Variants in AFG2A observed in about 807,000 individuals in gnomAD.
AFG2A encodes ATPase family gene 2 protein homolog A.
At chr4:122,936,310 A>G in the AFG2A span, among the ~76,000 whole-genome samples, 8 of 152,370 alleles carry the variant, frequency 5.3e-5, no homozygotes, top group East Asian at 1.2e-3. Flanking sequence ...TTCTATTTCT[A>G]TCTAATCTTT....
the AFG2A span, among the ~76,000 whole-genome samples, chr4:123,107,387 G>GTAGC: frequency 6.6e-6 from 1 of 152,228 alleles, no homozygotes. Flanking sequence ...CCCAACATAG[G>GTAGC]TAGCTCCTTT....
the AFG2A span, among the ~76,000 whole-genome samples, chr4:123,259,714 G>A: frequency 6.6e-6 from 1 of 151,972 alleles, no homozygotes; most frequent in African/African-American, 2.4e-5. Flanking sequence ...AAATTATCCT[G>A]GTTACTTTTG....
chr4:123,239,021 T>C, the AFG2A span, among the ~76,000 whole-genome samples: 1 of 152,074 alleles, frequency 6.6e-6, no homozygotes, highest in South Asian at 2.1e-4. Flanking sequence ...AACCATGGTA[T>C]GAGAACTTCG....
the AFG2A span, among the ~76,000 whole-genome samples, chr4:123,118,329 A>AATTATATTATATAAT: frequency 1.6e-5 from 1 of 64,180 alleles, no homozygotes; most frequent in Non-Finnish European, 3.7e-5. Context: ...TATTATATAT[A>AATTATATTATATAAT]ATATATATAT....
At chr4:123,028,265 C>T in the AFG2A span, 1 of 1,614,042 alleles carries the variant, frequency 6.2e-7, no homozygotes, top group Non-Finnish European at 8.5e-7. Context: ...TTAAAACATC[C>T]AGAGTCTTTC....
the AFG2A span, among the ~76,000 whole-genome samples, chr4:123,310,712 T>C: frequency 6.6e-6 from 1 of 152,200 alleles, no homozygotes; most frequent in Non-Finnish European, 1.5e-5. Context: ...TCAGTGGATG[T>C]TGATTGACGA....
chr4:122,932,156 T>C, the AFG2A span, among the ~76,000 whole-genome samples: 1 of 151,702 alleles, frequency 6.6e-6, no homozygotes, highest in Non-Finnish European at 1.5e-5. Context: ...GCGCCTGTGT[T>C]CCCAGCTACT....
At chr4:123,141,278 T>C in the AFG2A span, among the ~76,000 whole-genome samples, 2 of 152,188 alleles carry the variant, frequency 1.3e-5, no homozygotes, top group African/African-American at 4.8e-5. Flanking sequence ...TTAAAAATTA[T>C]ATTACATTTC....
chr4:123,234,304 G>C, the AFG2A span, among the ~76,000 whole-genome samples: 1 of 152,014 alleles, frequency 6.6e-6, no homozygotes, highest in African/African-American at 2.4e-5. Flanking sequence ...CTACCACTCT[G>C]ACCTTTTACA....
chr4:123,228,024 G>A, the AFG2A span, among the ~76,000 whole-genome samples: 8 of 152,124 alleles, frequency 5.3e-5, no homozygotes, highest in East Asian at 1.9e-4. Context: ...TCAGAGACTA[G>A]GATTGCAACC....
the AFG2A span, among the ~76,000 whole-genome samples, chr4:123,179,173 G>A: frequency 1.3e-5 from 2 of 152,130 alleles, no homozygotes; most frequent in African/African-American, 4.8e-5. Context: ...AATTAGATGA[G>A]GACCATAGGC....
At chr4:123,074,941 A>G in the AFG2A span, among the ~76,000 whole-genome samples, 1 of 151,932 alleles carries the variant, frequency 6.6e-6, no homozygotes, top group Admixed American at 6.6e-5. Context: ...CAATTGTTCC[A>G]TCTCTTTTTT....
the AFG2A span, among the ~76,000 whole-genome samples, chr4:123,311,066 AT>A: frequency 6.6e-6 from 1 of 152,174 alleles, no homozygotes; most frequent in African/African-American, 2.4e-5. Context: ...TCATCCAACC[AT>A]TAGTGATCTG....
At chr4:123,163,122 T>C in the AFG2A span, among the ~76,000 whole-genome samples, 3 of 152,150 alleles carry the variant, frequency 2.0e-5, no homozygotes, top group Non-Finnish European at 4.4e-5. Flanking sequence ...CAAGCTGAAC[T>C]CAGATTATCT....
At chr4:122,949,490 G>C in the AFG2A span, among the ~76,000 whole-genome samples, 7 of 152,290 alleles carry the variant, frequency 4.6e-5, no homozygotes, top group South Asian at 1.2e-3. Flanking sequence ...GCGGAGGAGA[G>C]GGGGAGCTCT....
chr4:123,132,395 T>C, the AFG2A span, among the ~76,000 whole-genome samples: 2 of 152,064 alleles, frequency 1.3e-5, no homozygotes, highest in Non-Finnish European at 2.9e-5. Flanking sequence ...TCCTTCTGTG[T>C]TTGGCTTATT....
At chr4:123,152,973 A>T in the AFG2A span, among the ~76,000 whole-genome samples, 1 of 152,220 alleles carries the variant, frequency 6.6e-6, no homozygotes, top group South Asian at 2.1e-4. Context: ...AGTGTCTTGA[A>T]TGCTTATGTT....
At chr4:123,295,452 T>C in the AFG2A span, among the ~76,000 whole-genome samples, 1 of 152,236 alleles carries the variant, frequency 6.6e-6, no homozygotes, top group Non-Finnish European at 1.5e-5. Flanking sequence ...TGAAAACAGC[T>C]CAAATATCTT....
chr4:122,939,547 A>C, the AFG2A span, among the ~76,000 whole-genome samples: 1 of 152,230 alleles, frequency 6.6e-6, no homozygotes, highest in Non-Finnish European at 1.5e-5. Flanking sequence ...AAGTTTTTAG[A>C]ATCATAATAT....
Sources: gnomAD v4.1 joint callset for allele counts (sites outside exome capture counted in the v4.1 genomes callset) on GRCh38, gnomAD v4.1.1 for gene constraint, MANE v1.5 for transcripts, NCBI Gene and HGNC (gene_info 2026-07-23, HGNC 2026-07-21) for gene names.